CCDC144A: variants seen among roughly 807,000 people sequenced by gnomAD.
The protein encoded by CCDC144A is coiled-coil domain containing 144A.
A neutral mutation model predicts 143.8 loss-of-function variants in CCDC144A; 41 were observed. That is an observed-to-expected ratio of 0.29 (90% confidence interval 0.22 to 0.37). CCDC144A has a LOEUF of 0.37. Ranked by LOEUF, CCDC144A falls within the 10% of genes least tolerant of loss-of-function variation. The pLI, the probability that CCDC144A is intolerant of heterozygous loss-of-function variation, is 1.00. For synonymous variants in CCDC144A, 242 were observed against 517.9 expected (o/e 0.47, Z 7.23); for missense variants, 637 against 1,488.8 (o/e 0.43, Z 9.41).
At position 16,720,481 on chromosome 17, in the gene CCDC144A, C is replaced by T. The variant is rs369742285; in HGVS notation, c.1750-36C>T. The T allele has an allele frequency of 7.0e-4, 1,112 of 1,598,190 alleles. 8 individuals carry two copies. The African/African-American group carries it at 0.013, about 19-fold the overall frequency. On this transcript the variant is annotated intron_variant, in intron 7 of 16. Coordinates refer to ENST00000399273, the MANE Select transcript of CCDC144A (RefSeq NM_001382000.1). ...CCTTTAGTATATGCTATAAATCTTTCGAGGACATTTTGAAACAGTATTATT... is the reference window on the plus strand; with the variant it reads ...CCTTTAGTATATGCTATAAATCTTTTGAGGACATTTTGAAACAGTATTATT...
chr17:16,679,400 A>G, the CCDC144A span, among the ~76,000 whole-genome samples: 1 of 152,104 alleles, frequency 6.6e-6, no homozygotes, highest in South Asian at 2.1e-4. Flanking sequence ...ACACAATTGT[A>G]TATGTTATAA....
chr17:16,700,993 AT>A (rs200490365), intron 2 of CCDC144A, among the ~76,000 whole-genome samples: 14,294 of 152,086 alleles, frequency 0.094, 885 homozygotes, highest in Non-Finnish European at 0.13. Flanking sequence ...ATATTCAATC[AT>A]TTTTGTGAAT....
chr17:16,674,230 A>G, the CCDC144A span, among the ~76,000 whole-genome samples: 2 of 151,978 alleles, frequency 1.3e-5, no homozygotes, highest in Non-Finnish European at 2.9e-5. Context: ...CCTAGGCAAC[A>G]TGGTGAAATC....
the CCDC144A span, among the ~76,000 whole-genome samples, chr17:16,682,883 G>GGTT: frequency 2.2e-5 from 1 of 46,432 alleles, no homozygotes; most frequent in Non-Finnish European, 5.1e-5. Context: ...TGGATTCTCT[G>GGTT]TTTTTTTTTT....
intron 6 of CCDC144A, among the ~76,000 whole-genome samples, chr17:16,716,837 G>A (rs1334572464): frequency 8.8e-5 from 12 of 136,444 alleles, no homozygotes; most frequent in Admixed American, 1.5e-4. Flanking sequence ...TTTTTGAGAC[G>A]CAGTCTCGCT....
intron 2 of CCDC144A, among the ~76,000 whole-genome samples, chr17:16,704,447 T>G (rs1429291044): frequency 3.9e-5 from 6 of 151,924 alleles, no homozygotes; most frequent in African/African-American, 1.5e-4. Flanking sequence ...AAAGCGAGAC[T>G]CCGTCTCAAA....
At chr17:16,711,136 G>GAAAAAAAAAA (rs1210697273) in intron 5 of CCDC144A, among the ~76,000 whole-genome samples, 32 of 21,754 alleles carry the variant, frequency 1.5e-3, no homozygotes, top group South Asian at 4.3e-3. Flanking sequence ...GGATTCAAAT[G>GAAAAAAAAAA]AAAAAAAAAA....
the CCDC144A span, among the ~76,000 whole-genome samples, chr17:16,670,380 C>A: frequency 6.7e-6 from 1 of 148,342 alleles, no homozygotes; most frequent in Non-Finnish European, 1.5e-5. Flanking sequence ...TTCTGCCTCC[C>A]GGGTTCAAGT....
At chr17:16,711,406 G>C (rs956219842) in intron 5 of CCDC144A, among the ~76,000 whole-genome samples, 1 of 151,800 alleles carries the variant, frequency 6.6e-6, no homozygotes, top group African/African-American at 2.4e-5. Context: ...AATTAAGAAG[G>C]GCCCTGCTTG....
At chr17:16,701,917 TA>T (rs1911758020) in intron 2 of CCDC144A, among the ~76,000 whole-genome samples, 1 of 149,402 alleles carries the variant, frequency 6.7e-6, no homozygotes, top group South Asian at 2.1e-4. Context: ...TTTATAAAAC[TA>T]GAATCACAAA....
intron 15 of CCDC144A, chr17:16,766,410 A>G (rs1915597320): frequency 6.6e-6 from 1 of 152,308 alleles, no homozygotes; most frequent in South Asian, 2.1e-4. Context: ...AAAACAAGGT[A>G]ATGTATCATT....
chr17:16,671,413 A>G, the CCDC144A span, among the ~76,000 whole-genome samples: 1 of 152,148 alleles, frequency 6.6e-6, no homozygotes, highest in East Asian at 1.9e-4. Context: ...GTTATTCTGT[A>G]AGTTCTGTGT....
At chr17:16,677,097 C>T in the CCDC144A span, among the ~76,000 whole-genome samples, 1 of 151,934 alleles carries the variant, frequency 6.6e-6, no homozygotes, top group African/African-American at 2.4e-5. Flanking sequence ...CCTTCCTTGC[C>T]CTCCAGTTGA....
At position 16,774,604 on chromosome 17, in the gene CCDC144A, T is replaced by TTA. The variant is rs879469515; in HGVS notation, c.*972_*973insAT. 8.7e-5 allele frequency: 12 copies of TTA among 138,706 alleles called. No individual in the cohort carries two copies. The highest frequency in any genetic ancestry group is 1.4e-4 in the Non-Finnish European group (9 of 66,120). The allele number at this position is 138,706 out of a possible 1,614,324, so 8.6% of individuals were successfully genotyped here. A position where few individuals can be genotyped will look rare whatever the true frequency, so the allele number is the denominator to read the frequency against. On this transcript the variant is annotated 3_prime_UTR_variant, in exon 17 of 17. Transcript: ENST00000399273. Reference sequence around the variant, plus strand: ...TTTTATGATAAGATTTAGATGATAATTTTTTTTTTGGCAAGAGTATCACAG... The same window carrying TTA: ...TTTTATGATAAGATTTAGATGATAATTATTTTTTTTTGGCAAGAGTATCACAG...
intron 2 of CCDC144A, among the ~76,000 whole-genome samples, chr17:16,694,230 A>G (rs993128323): frequency 1.3e-5 from 2 of 152,062 alleles, no homozygotes; most frequent in Non-Finnish European, 2.9e-5. Context: ...AAAAGAAATT[A>G]GTTTCAAAAC....
chr17:16,738,519 G>T (rs1597572771), intron 12 of CCDC144A, among the ~76,000 whole-genome samples: 2 of 149,890 alleles, frequency 1.3e-5, no homozygotes, highest in African/African-American at 4.9e-5. Context: ...TGGACACCAC[G>T]TATCAATTGG....
intron 15 of CCDC144A, among the ~76,000 whole-genome samples, chr17:16,768,112 G>A (rs1198341427): frequency 3.3e-5 from 5 of 152,352 alleles, no homozygotes; most frequent in East Asian, 1.9e-4. Context: ...AATCTATAAC[G>A]TTAAAGATCT....
intron 15 of CCDC144A, chr17:16,765,060 C>A (rs1275439199): frequency 1.1e-5 from 1 of 91,780 alleles, no homozygotes; most frequent in Non-Finnish European, 2.0e-5. Flanking sequence ...TTAGTTCAAC[C>A]GTGTGGTTTC....
At chr17:16,728,104 C>G (rs184850376) in intron 9 of CCDC144A, among the ~76,000 whole-genome samples, 2 of 152,318 alleles carry the variant, frequency 1.3e-5, no homozygotes, top group African/African-American at 4.8e-5. Flanking sequence ...CTGGAGTTCA[C>G]TGGTGTGATC....
Sources: allele counts gnomAD v4.1 joint callset (sites outside exome capture counted in the v4.1 genomes callset), GRCh38; gene constraint gnomAD v4.1.1; transcripts MANE v1.5; gene names NCBI Gene and HGNC (gene_info 2026-07-23, HGNC 2026-07-21).